The following CSMD1 variants were observed in gnomAD, a reference collection of about 807,000 sequenced individuals.
CSMD1 encodes CUB and sushi domain-containing protein 1.
A neutral mutation model predicts 417.5 loss-of-function variants in CSMD1; 213 were observed. The ratio of observed to expected loss-of-function variants is 0.51; its 90% CI spans 0.46 to 0.57. CSMD1 has a LOEUF of 0.57. CSMD1 is among the 20% of genes least tolerant of loss of function. The pLI is 0.00. For synonymous variants in CSMD1, 2,862 were observed against 1,736.8 expected, an observed-to-expected ratio of 1.65 and a Z score of -16.11; for missense variants, 6,923 against 4,529.7, an observed-to-expected ratio of 1.53 and a Z score of -15.17.
At chr8:4,692,958 G>C (rs527633545) in intron 1 of CSMD1, among the ~76,000 whole-genome samples, 1 of 152,150 alleles carries the variant, frequency 6.6e-6, no homozygotes, top group African/African-American at 2.4e-5. Context: ...TCCCCAAGAG[G>C]TCACCTGCCT....
At chr8:4,484,400 T>G (rs914746466) in intron 2 of CSMD1, among the ~76,000 whole-genome samples, 1 of 152,144 alleles carries the variant, frequency 6.6e-6, no homozygotes, top group Non-Finnish European at 1.5e-5. Context: ...ATTCACGAAC[T>G]ATATCAGAAC....
chr8:4,353,585 A>G (rs530598148), intron 3 of CSMD1, among the ~76,000 whole-genome samples: 1 of 152,204 alleles, frequency 6.6e-6, no homozygotes, highest in Admixed American at 6.6e-5. Flanking sequence ...AAAGTAGCAT[A>G]TCCTGAAGCA....
chr8:3,891,173 G>C (rs374413357), intron 5 of CSMD1, among the ~76,000 whole-genome samples: 1 of 151,914 alleles, frequency 6.6e-6, no homozygotes, highest in South Asian at 2.1e-4. Context: ...AGCCTCCCAA[G>C]AAGCTGGGAC....
chr8:4,202,099 T>TC (rs1212823592), intron 3 of CSMD1, among the ~76,000 whole-genome samples: 1 of 151,476 alleles, frequency 6.6e-6, no homozygotes, highest in East Asian at 1.9e-4. Context: ...AATTTTGTTT[T>TC]TTTGTTAGTT....
chr8:4,771,742 A>C (rs1213664799), intron 1 of CSMD1, among the ~76,000 whole-genome samples: 1 of 152,128 alleles, frequency 6.6e-6, no homozygotes, highest in Non-Finnish European at 1.5e-5. Context: ...TCTATATGAG[A>C]GATGATGGCT....
intron 1 of CSMD1, among the ~76,000 whole-genome samples, chr8:4,971,014 T>C (rs987818142): frequency 6.6e-6 from 1 of 152,130 alleles, no homozygotes; most frequent in Non-Finnish European, 1.5e-5. Flanking sequence ...GAGAAAAATC[T>C]AGTTATTCCA....
At chr8:3,140,496 G>C (rs373156234) in intron 41 of CSMD1, among the ~76,000 whole-genome samples, 1 of 152,138 alleles carries the variant, frequency 6.6e-6, no homozygotes, top group South Asian at 2.1e-4. Context: ...GAGACATATT[G>C]CTCACTGGTT....
intron 10 of CSMD1, among the ~76,000 whole-genome samples, chr8:3,504,257 C>T (rs546519807): frequency 1.4e-4 from 9 of 64,788 alleles, no homozygotes; most frequent in African/African-American, 5.2e-4. Context: ...TTTAAAAAAA[C>T]ATTTTTTTTA....
intron 1 of CSMD1, among the ~76,000 whole-genome samples, chr8:4,779,688 C>T (rs1797051052): frequency 1.3e-5 from 2 of 152,126 alleles, no homozygotes; most frequent in Admixed American, 6.6e-5. Context: ...AACATTTCAT[C>T]ACTGAAAAAT....
At chr8:3,445,365 A>C (rs1585175268) in intron 12 of CSMD1, among the ~76,000 whole-genome samples, 1 of 152,206 alleles carries the variant, frequency 6.6e-6, no homozygotes, top group East Asian at 1.9e-4. Flanking sequence ...CATATATGTT[A>C]CCATCTTATT....
At chr8:3,576,774 G>C (rs1003297778) in intron 9 of CSMD1, among the ~76,000 whole-genome samples, 5 of 152,130 alleles carry the variant, frequency 3.3e-5, no homozygotes, top group Admixed American at 2.6e-4. Context: ...TGTTCTCAGA[G>C]AGGATCATAA....
In CSMD1 at chr8:3,416,586, C is replaced by T. The variant is rs73657871; in HGVS notation, c.1562-6981G>A. ...CATAGTTAGCACGCTTGCTTGTTTC[C>T]TTTTGTGTAGTCAACCATGGGTGTC... On this transcript the variant is annotated intron_variant, in intron 12 of 69. Transcript: ENST00000635120. Among the ~76,000 whole-genome samples the T allele has an allele frequency of 2.6e-3, 395 of 152,296 alleles. 2 individuals are homozygous for T. Among genetic ancestry groups the T allele is most frequent in the African/African-American group, 9.2e-3 (382 of 41,562 alleles).
chr8:3,119,001 A>G (rs998818518), intron 41 of CSMD1, among the ~76,000 whole-genome samples: 1 of 152,136 alleles, frequency 6.6e-6, no homozygotes, highest in Non-Finnish European at 1.5e-5. Flanking sequence ...TAACACAGTA[A>G]AATCCTGTCT....
At chr8:4,843,544 A>G (rs777136542) in intron 1 of CSMD1, among the ~76,000 whole-genome samples, 34 of 152,174 alleles carry the variant, frequency 2.2e-4, no homozygotes, top group Non-Finnish European at 4.1e-4. Context: ...AGTCTTCACC[A>G]TCATAAAGGC....
chr8:4,004,815 G>T (rs899604067), intron 4 of CSMD1, among the ~76,000 whole-genome samples: 16 of 152,104 alleles, frequency 1.1e-4, no homozygotes, highest in Non-Finnish European at 1.5e-4. Context: ...CGCGATCTTG[G>T]CTCACTGTAA....
At chr8:3,096,044 A>G (rs867975073) in intron 47 of CSMD1, among the ~76,000 whole-genome samples, 3 of 152,308 alleles carry the variant, frequency 2.0e-5, no homozygotes, top group Middle Eastern at 3.4e-3. Flanking sequence ...AATTATTTAG[A>G]TGACAAAAAT....
rs952131648 is a variant in CSMD1 at position 3,445,714 on chromosome 8, G to C, written c.1561+22998C>G. On this transcript the variant is annotated intron_variant, in intron 12 of 69. Transcript: ENST00000635120. ...GAAACAAGGCCATGTAGCAAATGAGGAGTTCTGATTTATTCGAATAAAGTC... is the reference window on the plus strand; with the variant it reads ...GAAACAAGGCCATGTAGCAAATGAGCAGTTCTGATTTATTCGAATAAAGTC... Among the ~76,000 whole-genome samples the C allele has an allele frequency of 6.6e-5, 10 of 152,118 alleles. 1 individual carries two copies. The highest frequency in any genetic ancestry group is 4.6e-4 in the Admixed American group (7 of 15,270).
intron 50 of CSMD1, among the ~76,000 whole-genome samples, chr8:3,042,776 C>A (rs1413972613): frequency 1.3e-5 from 2 of 152,066 alleles, no homozygotes; most frequent in African/African-American, 4.8e-5. Context: ...ATAGACATAA[C>A]CTTAGTTTTT....
intron 1 of CSMD1, among the ~76,000 whole-genome samples, chr8:4,758,180 T>A (rs988534287): frequency 6.6e-6 from 1 of 152,102 alleles, no homozygotes; most frequent in East Asian, 1.9e-4. Context: ...TGCATTTCCT[T>A]CTGATAACAA....
Sources: gnomAD v4.1 joint callset for allele counts (sites outside exome capture counted in the v4.1 genomes callset) on GRCh38, gnomAD v4.1.1 for gene constraint, MANE v1.5 for transcripts, NCBI Gene and HGNC (gene_info 2026-07-23, HGNC 2026-07-21) for gene names.